The following AFF1 variants were observed in gnomAD, a reference collection of about 807,000 sequenced individuals.
AFF1 encodes AF4/FMR2 family member 1.
A neutral mutation model predicts 121.7 loss-of-function variants in AFF1; 48 were observed. The observed-to-expected ratio is 0.39, with a 90% CI of 0.31 to 0.50. The LOEUF (loss-of-function observed/expected upper bound fraction) is 0.50, where lower values mean the gene tolerates loss of function less well. Ranked by LOEUF, AFF1 falls within the 20% of genes least tolerant of loss-of-function variation. AFF1 has a pLI of 0.76. For missense variants in AFF1, 1,523 were observed against 1,511.7 expected, an observed-to-expected ratio of 1.01 and a Z score of -0.12; for synonymous variants, 613 against 563.0, an observed-to-expected ratio of 1.09 and a Z score of -1.26.
At chr4:87,028,212 T>TA (rs1405263796) in intron 2 of AFF1, among the ~76,000 whole-genome samples, 2 of 152,046 alleles carry the variant, frequency 1.3e-5, no homozygotes, top group African/African-American at 4.8e-5. Context: ...GTCCATCCAT[T>TA]AATGTATTTT....
At chr4:87,051,415 C>CTTT (rs5860052) in intron 4 of AFF1, among the ~76,000 whole-genome samples, 1 of 141,726 alleles carries the variant, frequency 7.1e-6, no homozygotes, top group Non-Finnish European at 1.5e-5. Flanking sequence ...TTTCCTTTTT[C>CTTT]TTTTTTTTTT....
intron 4 of AFF1, among the ~76,000 whole-genome samples, chr4:87,072,295 G>A (rs1185744831): frequency 2.0e-5 from 3 of 150,176 alleles, no homozygotes; most frequent in East Asian, 2.0e-4. Flanking sequence ...CCCGGGAGGC[G>A]GAGCTTGCAG....
intron 4 of AFF1, among the ~76,000 whole-genome samples, chr4:87,071,727 G>C (rs1394724659): frequency 6.6e-6 from 1 of 152,130 alleles, no homozygotes; most frequent in African/African-American, 2.4e-5. Context: ...AATTTCCAAA[G>C]GGAGTTGCTT....
At chr4:87,010,448 AT>A (rs947317226) in intron 2 of AFF1, among the ~76,000 whole-genome samples, 2 of 152,202 alleles carry the variant, frequency 1.3e-5, no homozygotes, top group African/African-American at 4.8e-5. Flanking sequence ...TAACAGACAC[AT>A]TGAATATATA....
At chr4:87,051,627 A>AT (rs774222882) in intron 4 of AFF1, among the ~76,000 whole-genome samples, 20 of 151,808 alleles carry the variant, frequency 1.3e-4, no homozygotes, top group Admixed American at 3.3e-4. Context: ...TGCCCGGCTA[A>AT]TTTTTTGTGT....
At chr4:86,979,232 G>C (rs780117132) in intron 2 of AFF1, among the ~76,000 whole-genome samples, 3 of 152,068 alleles carry the variant, frequency 2.0e-5, no homozygotes, top group Non-Finnish European at 4.4e-5. Flanking sequence ...CGAGTAGCTG[G>C]GATTACAGGC....
chr4:87,046,125 T>G, intron 2 of AFF1, 41 bp from the exon 3 acceptor site: 1 of 1,607,232 alleles, frequency 6.2e-7, no homozygotes, highest in Non-Finnish European at 8.5e-7. Flanking sequence ...TGGAGACTGA[T>G]AAATTTTATT....
chr4:87,122,573 A>G (rs145595547), intron 12 of AFF1, among the ~76,000 whole-genome samples: 3 of 152,278 alleles, frequency 2.0e-5, no homozygotes, highest in Non-Finnish European at 4.4e-5. Context: ...GTGGGTTTAG[A>G]ACTCGGTTGC....
At chr4:86,969,607 G>A (rs1654195711) in intron 2 of AFF1, among the ~76,000 whole-genome samples, 1 of 150,354 alleles carries the variant, frequency 6.7e-6, no homozygotes. Context: ...TAGGCCCGGC[G>A]TGGTGGCTCA....
At chr4:87,022,677 T>TA (rs375623080) in intron 2 of AFF1, among the ~76,000 whole-genome samples, 59 of 46,918 alleles carry the variant, frequency 1.3e-3, no homozygotes, top group Middle Eastern at 0.013. Context: ...TGTATATATA[T>TA]GTGTGTGTAT....
intron 2 of AFF1, among the ~76,000 whole-genome samples, chr4:87,043,401 C>T (rs898798815): frequency 6.6e-6 from 1 of 152,152 alleles, no homozygotes; most frequent in Non-Finnish European, 1.5e-5. Flanking sequence ...CTGCTTAGCT[C>T]CTCCCTGCAA....
intron 4 of AFF1, among the ~76,000 whole-genome samples, chr4:87,081,968 T>C (rs893365552): frequency 1.3e-5 from 2 of 152,086 alleles, no homozygotes; most frequent in Non-Finnish European, 2.9e-5. Flanking sequence ...ACTGCTTGAG[T>C]AATTATGGAG....
At chr4:87,103,780 A>T (rs1725652679) in intron 8 of AFF1, among the ~76,000 whole-genome samples, 1 of 152,364 alleles carries the variant, frequency 6.6e-6, no homozygotes, top group East Asian at 1.9e-4. Flanking sequence ...TCCTGTGCTC[A>T]AAACAGGAAA....
At chr4:87,052,272 A>C (rs1254666563) in intron 4 of AFF1, among the ~76,000 whole-genome samples, 6 of 152,094 alleles carry the variant, frequency 3.9e-5, no homozygotes, top group Non-Finnish European at 8.8e-5. Flanking sequence ...TTTCCCAGCT[A>C]TTGGGAAAAA....
At chr4:87,117,819 T>C (rs965229045) in intron 12 of AFF1, among the ~76,000 whole-genome samples, 1 of 151,144 alleles carries the variant, frequency 6.6e-6, no homozygotes, top group African/African-American at 2.4e-5. Context: ...AACATATTAA[T>C]CTCATTATTT....
chr4:87,070,773 G>T (rs557737696), intron 4 of AFF1, among the ~76,000 whole-genome samples: 119 of 152,328 alleles, frequency 7.8e-4, no homozygotes, highest in Middle Eastern at 3.4e-3. Flanking sequence ...GTGTACTAGA[G>T]AAATTTCAGT....
intron 5 of AFF1, among the ~76,000 whole-genome samples, chr4:87,085,842 G>A (rs929311830): frequency 2.3e-4 from 35 of 151,448 alleles, no homozygotes; most frequent in African/African-American, 8.0e-4. Flanking sequence ...GGGTTCAAGC[G>A]ATTCTTGTGC....
rs1040253856 is a variant in AFF1 at position 87,114,608 on chromosome 4, G to T, written c.1775G>T (p.Cys592Phe). The change falls in exon 12 of 21, where the codon TGT becomes TTT. Residue 592 changes from cysteine (C) to phenylalanine (F), a missense_variant. Physicochemically the swap from Cys to Phe is radical, Grantham distance 205 (BLOSUM62 -2). Transcript: ENST00000395146. The stretch of plus-strand genomic sequence containing the variant: ...GCCCCCCACCCCGGAAAGAGGAGCT[G>T]TCAGAAGTCTCCGGCACAGCAGGAG... ...PEAPHPGKRSCQKSPAQQEPP... is the reference protein window; with the variant it reads ...PEAPHPGKRSFQKSPAQQEPP... 6.2e-7 allele frequency: 1 copy of T among 1,603,424 alleles called. No homozygotes were observed. The highest frequency in any genetic ancestry group is 1.4e-5 in the African/African-American group (1 of 71,288).
chr4:87,039,063 G>A, intron 2 of AFF1, among the ~76,000 whole-genome samples: 1 of 152,202 alleles, frequency 6.6e-6, no homozygotes, highest in South Asian at 2.1e-4. Flanking sequence ...AGGGCCCATG[G>A]GCTCCAGCCT....
Sources: gnomAD v4.1 joint callset for allele counts (sites outside exome capture counted in the v4.1 genomes callset) on GRCh38, gnomAD v4.1.1 for gene constraint, MANE v1.5 for transcripts, NCBI Gene and HGNC (gene_info 2026-07-23, HGNC 2026-07-21) for gene names.